Variants in NEB observed in about 807,000 individuals in gnomAD.
NEB encodes the protein nebulin.
NEB carries 512 observed loss-of-function variants against 952.2 expected under a neutral mutation model. The observed-to-expected ratio is 0.54, with a 90% CI of 0.50 to 0.58. The LOEUF (loss-of-function observed/expected upper bound fraction) is 0.58. Among genes scored for constraint, NEB ranks in the 20% least tolerant of loss-of-function variants. The probability of loss-of-function intolerance (pLI) is 0.00; values close to 1 mark genes in which losing one functional copy is unlikely to be tolerated. For missense variants in NEB, 8,428 were observed against 9,231.1 expected (o/e 0.91, Z 3.56); for synonymous variants, 2,900 against 3,149.8 (o/e 0.92, Z 2.66).
chr2:151,672,521 T>C lies in NEB; in HGVS notation c.4147A>G (p.Thr1383Ala), dbSNP rs1436726179. The C allele has an allele frequency of 1.9e-6, 3 of 1,613,748 alleles. No homozygotes were observed. In the Admixed American group the frequency reaches 5.0e-5, roughly 27 times the overall value. ...NYENTKTSYH[T>A]PGDMVSITAA... The stretch of plus-strand genomic sequence containing the variant: ...GTGATGCTAACCATGTCCCCAGGGG[T>C]ATGGTAGCTGGTTTTGGTGTTCTCA... Residue 1383 changes from threonine (T) to alanine (A), a missense_variant, in exon 37 of 182, where the codon ACC (threonine) becomes GCC (alanine). Transcript: ENST00000397345.
chr2:151,506,165 C>G lies in NEB; in HGVS notation c.23649+1G>C. On this transcript the variant is annotated splice_donor_variant, in intron 164 of 181. Transcript: ENST00000397345. LOFTEE classifies it high-confidence loss of function. ...TGCAAGTGCATTCACTGTGTCTTTA[C>G]CGAGCTAATGTGGTCCTGTGTTTGT... The G allele has an allele frequency of 6.2e-7, 1 of 1,606,664 alleles. No homozygotes were observed. Among genetic ancestry groups the G allele is most frequent in the Non-Finnish European group, 8.5e-7 (1 of 1,173,214 alleles).
intron 45 of NEB, among the ~76,000 whole-genome samples, chr2:151,662,667 C>A (rs1386472339): frequency 1.3e-5 from 2 of 152,166 alleles, no homozygotes; most frequent in East Asian, 3.8e-4. Flanking sequence ...TGACTGTTAT[C>A]TCCTTGAGAA....
Position 151,656,271 on chromosome 2 carries a change from T to A in NEB, c.6377A>T (p.Lys2126Met), listed in dbSNP as rs2099084950. ...GTTGGTGATGTTGGCTTGGGCATCC[T>A]TTGCAGCCGTGACACTGAGCATGTC... ...PADMLSVTAAKDAQANITNTN... is the reference protein window; with the variant it reads ...PADMLSVTAAMDAQANITNTN... Residue 2126 changes from lysine to methionine, a missense_variant, in exon 49 of 182, where the codon AAG (lysine) becomes ATG (methionine). Lys to Met is a moderately conservative substitution (Grantham distance 95). This residue lies in a region of NEB where 2,851 missense variants were observed against 2,791.5 expected (regional missense o/e 1.02). Transcript: ENST00000397345. 1.2e-6 allele frequency: 2 copies of A among 1,613,676 alleles called. No homozygotes were observed. The highest frequency in any genetic ancestry group is 4.5e-5 in the East Asian group (2 of 44,866).
At chr2:151,687,791 A>C in intron 25 of NEB, 58 bp from the exon 26 acceptor site, 1 of 1,466,316 alleles carries the variant, frequency 6.8e-7, no homozygotes, top group Non-Finnish European at 9.3e-7. Context: ...TCCAGTAAAA[A>C]AATAAAAACA....
At position 151,642,748 on chromosome 2, in the gene NEB, A is replaced by G. The variant is rs1435096492; in HGVS notation, c.8265+17T>C. 6.2e-7 allele frequency: 1 copy of G among 1,603,350 alleles called. No individual in the cohort carries two copies. Among genetic ancestry groups the G allele is most frequent in the Non-Finnish European group, 8.5e-7 (1 of 1,171,598 alleles). The stretch of plus-strand genomic sequence containing the variant: ...TTGTAAGGAAAATGTATCACGCACT[A>G]TGAATATATTACTTACCTCACTGTA... On this transcript the variant is annotated intron_variant, in intron 59 of 181. Coordinates refer to ENST00000397345, the MANE Select transcript of NEB (RefSeq NM_001164508.2).
chr2:151,712,636 G>T (rs929751670), intron 10 of NEB, among the ~76,000 whole-genome samples: 1 of 152,152 alleles, frequency 6.6e-6, no homozygotes. Context: ...GCTGGAGCTT[G>T]CTGGCTACTG....
intron 161 of NEB, among the ~76,000 whole-genome samples, chr2:151,510,047 A>T (rs1297014564): frequency 6.6e-6 from 1 of 152,236 alleles, no homozygotes; most frequent in Non-Finnish European, 1.5e-5. Context: ...CTAAAGACAT[A>T]AGTGATTAAC....
At position 151,609,911 on chromosome 2, in the gene NEB, C is replaced by G; in HGVS notation, c.12228G>C (p.Leu4076Phe). ...SILLAKKCQT[L>F]VTDIDYRNYL... Reference sequence around the variant, plus strand: ...AATTGCGATAATCAATGTCAGTGACCAAAGTCTGACATTTCTTGGCCAGCA... The same window carrying G: ...AATTGCGATAATCAATGTCAGTGACGAAAGTCTGACATTTCTTGGCCAGCA... Residue 4076 changes from leucine to phenylalanine, a missense_variant, in exon 81 of 182, where the codon TTG (leucine) becomes TTC (phenylalanine). Leu to Phe is a conservative substitution (Grantham distance 22). Around this residue, in one of 11 missense-constraint regions of NEB, gnomAD observed 337 missense variants for 297.5 expected, o/e 1.13. Transcript: ENST00000397345. 6.2e-7 allele frequency: 1 copy of G among 1,613,886 alleles called. No homozygotes were observed. The highest frequency in any genetic ancestry group is 8.5e-7 in the Non-Finnish European group (1 of 1,179,818).
rs955571205 is a variant in NEB at position 151,619,366 on chromosome 2, T to C, written c.10872+85A>G. 65 of 1,305,816 alleles carry C rather than the reference T, an allele frequency of 5.0e-5. No homozygotes were observed. In the Admixed American group the frequency reaches 6.8e-4, roughly 14 times the overall value. 80.9% of individuals were successfully genotyped at this position (1,305,816 alleles called of 1,614,324 possible). ...AAATTGTTTGAAATATACAAACAAA[T>C]TGCAGTTCATTGGCACTAGTCAGAA... is the stretch of plus-strand genomic sequence containing the variant. On this transcript the variant is annotated intron_variant, in intron 73 of 181. Coordinates refer to ENST00000397345, the MANE Select transcript of NEB (RefSeq NM_001164508.2).
At chr2:151,533,599 G>T in intron 142 of NEB, 53 bp from the exon 143 acceptor site, 1 of 1,138,596 alleles carries the variant, frequency 8.8e-7, no homozygotes, top group African/African-American at 1.5e-5. Context: ...AGACAGAAAA[G>T]AACACGGCTC....
At position 151,565,092 on chromosome 2, in the gene NEB, A is replaced by T. The variant is rs751844098; in HGVS notation, c.18423T>A (p.Asp6141Glu). 3.7e-6 allele frequency: 6 copies of T among 1,601,962 alleles called. No individual in the cohort carries two copies. In the African/African-American group the frequency reaches 8.0e-5, roughly 21 times the overall value. ...CTTTGGAGTGGGAGATATGTGGTGT[A>T]TCTGGTGAAAACGTATATTTGCCCT... ...KAKGKYTFSP[D>E]TPHISHSKDM... is the part of the protein sequence containing the mutation. Residue 6141 changes from aspartate to glutamate, a missense_variant, in exon 117 of 182, where the codon GAT becomes GAA. By Grantham distance (45) the Asp-to-Glu change is conservative. Around this residue, in one of 11 missense-constraint regions of NEB, gnomAD observed 3,374 missense variants for 3,651.5 expected, o/e 0.92. Transcript: ENST00000397345.
chr2:151,732,678 C>A lies in NEB; in HGVS notation c.36+443G>T, dbSNP rs189426770. Among the ~76,000 whole-genome samples, 35 of 152,272 alleles carry A rather than the reference C, an allele frequency of 2.3e-4. No individual in the cohort carries two copies. The East Asian group carries it at 6.4e-3, about 28-fold the overall frequency. ...ACATATGATTATTCTGAATATCTAA[C>A]CCATGTTACCCTATAGATGATTAGC... On this transcript the variant is annotated intron_variant, in intron 3 of 181. Transcript: ENST00000397345.
At chr2:151,540,023 T>C (rs1309609555) in intron 138 of NEB, among the ~76,000 whole-genome samples, 1 of 152,198 alleles carries the variant, frequency 6.6e-6, no homozygotes, top group Non-Finnish European at 1.5e-5. Flanking sequence ...TGAATCCATG[T>C]CTGGCTGACT....
chr2:151,538,345 T>C (rs1406196881), intron 138 of NEB, 101 bp from the exon 139 acceptor site: 1 of 875,696 alleles, frequency 1.1e-6, no homozygotes, highest in African/African-American at 1.7e-5. Flanking sequence ...GGTTTTCCCA[T>C]GAATACATTT....
At chr2:151,578,157 C>T (rs1218055972) in intron 105 of NEB, among the ~76,000 whole-genome samples, 1 of 152,170 alleles carries the variant, frequency 6.6e-6, no homozygotes, top group African/African-American at 2.4e-5. Flanking sequence ...GTTATCCATT[C>T]TATACAGGAA....
At chr2:151,729,405 TGC>T (rs2099800268) in intron 4 of NEB, among the ~76,000 whole-genome samples, 1 of 152,230 alleles carries the variant, frequency 6.6e-6, no homozygotes, top group East Asian at 1.9e-4. Context: ...CCTGCCATCT[TGC>T]GTTTTTTGAA....
intron 105 of NEB, among the ~76,000 whole-genome samples, chr2:151,577,521 C>G (rs541327915): frequency 6.6e-6 from 1 of 152,286 alleles, no homozygotes; most frequent in African/African-American, 2.4e-5. Flanking sequence ...CATTTTTATT[C>G]TTTAATGAAC....
intron 37 of NEB, 188 bp from the exon 38 acceptor site, chr2:151,671,417 T>C (rs750137329): frequency 3.5e-6 from 2 of 570,610 alleles, no homozygotes; most frequent in Non-Finnish European, 3.1e-6. Flanking sequence ...GAGTGCATTA[T>C]ACAACACAGA....
At chr2:151,673,787 G>A (rs895807529) in intron 36 of NEB, among the ~76,000 whole-genome samples, 1 of 141,492 alleles carries the variant, frequency 7.1e-6, no homozygotes, top group Admixed American at 7.4e-5. Flanking sequence ...AGGCTGGAGT[G>A]CAGTGGCGCA....
Sources: gnomAD v4.1 joint callset for allele counts (sites outside exome capture counted in the v4.1 genomes callset) on GRCh38, gnomAD v4.1.1 for gene constraint, gnomAD v4.1.1 regional missense constraint, MANE v1.5 for transcripts, NCBI Gene and HGNC (gene_info 2026-07-23, HGNC 2026-07-21) for gene names.